Variants in ERLIN1 observed in about 807,000 individuals in gnomAD.
The protein encoded by ERLIN1 is erlin-1.
ERLIN1 carries 24 observed loss-of-function variants against 46.9 expected under a neutral mutation model. The observed-to-expected ratio is 0.51, with a 90% confidence interval of 0.37 to 0.72. The LOEUF is 0.72. Among genes scored for constraint, ERLIN1 ranks in the 30% least tolerant of loss-of-function variants. The pLI, the probability that ERLIN1 is intolerant of heterozygous loss-of-function variation, is 0.00. For missense variants in ERLIN1, 293 were observed against 417.9 expected (o/e 0.70, Z 2.61); for synonymous variants, 158 against 143.2 (o/e 1.10, Z -0.74).
chr10:100,185,886 C>A lies in ERLIN1; in HGVS notation c.-260G>T. 1 of 518,380 alleles carries A rather than the reference C, an allele frequency of 1.9e-6. No homozygotes were observed. The highest frequency in any genetic ancestry group is 2.8e-5 in the South Asian group (1 of 35,778). The allele number at this position is 518,380 out of a possible 1,614,324, so 32.1% of individuals were successfully genotyped here. Reference sequence around the variant, plus strand: ...AACTCCCTCTCCCAAGGGTCGCTCCCGGGTGGAAGGCACTAACTGAGAAGA... The same window carrying A: ...AACTCCCTCTCCCAAGGGTCGCTCCAGGGTGGAAGGCACTAACTGAGAAGA... On this transcript the variant is annotated 5_prime_UTR_variant, in exon 1 of 11. Coordinates refer to ENST00000421367, the MANE Select transcript of ERLIN1 (RefSeq NM_006459.4).
Position 100,183,824 on chromosome 10 carries a change from G to T in ERLIN1, c.127C>A (p.Leu43Ile). The change falls in exon 2 of 11, where the codon CTA becomes ATA. Residue 43 changes from leucine to isoleucine, a missense_variant. Coordinates refer to ENST00000421367, the MANE Select transcript of ERLIN1 (RefSeq NM_006459.4). ...LAVYYRGGAL[L>I]TSPSGPGYHI... ...TAGCCTGGTCCACTGGGGCTAGTTAGTAAAGCTCCTCCCCTGCAAAAAGAT... is the reference window on the plus strand; with the variant it reads ...TAGCCTGGTCCACTGGGGCTAGTTATTAAAGCTCCTCCCCTGCAAAAAGAT... The T allele has an allele frequency of 6.2e-7, 1 of 1,611,930 alleles. No homozygotes were observed. Among genetic ancestry groups the T allele is most frequent in the Non-Finnish European group, 8.5e-7 (1 of 1,178,214 alleles).
At chr10:100,153,154 G>A (rs963532748) in intron 10 of ERLIN1, among the ~76,000 whole-genome samples, 1 of 152,218 alleles carries the variant, frequency 6.6e-6, no homozygotes, top group East Asian at 1.9e-4. Context: ...AAAATCTCAA[G>A]TTGTCACCTG....
At position 100,179,120 on chromosome 10, in the gene ERLIN1, A is replaced by G. The variant is rs532963331; in HGVS notation, c.242+81T>C. On this transcript the variant is annotated intron_variant, in intron 3 of 10. Transcript: ENST00000421367. ...GGGTTAACTATCATGCCTATTTGAGATATGTCTAAGTGATCATAGCTGTAG... is the reference window on the plus strand; with the variant it reads ...GGGTTAACTATCATGCCTATTTGAGGTATGTCTAAGTGATCATAGCTGTAG... 3.0e-4 allele frequency: 325 copies of G among 1,075,548 alleles called. 3 individuals are homozygous for G. The African/African-American group carries it at 4.6e-3, about 15-fold the overall frequency. The allele number at this position is 1,075,548 out of a possible 1,614,324, so 66.6% of individuals were successfully genotyped here.
intron 8 of ERLIN1, among the ~76,000 whole-genome samples, chr10:100,162,341 T>C (rs1564802858): frequency 2.0e-5 from 3 of 152,234 alleles, no homozygotes; most frequent in Admixed American, 1.3e-4. Context: ...TGTGATACCA[T>C]GTCTTCCATT....
At position 100,178,120 on chromosome 10, in the gene ERLIN1, A is replaced by G. The variant is rs1413906239; in HGVS notation, c.304+13T>C. 2 of 1,537,860 alleles carry G rather than the reference A, an allele frequency of 1.3e-6. No individual in the cohort carries two copies. Among genetic ancestry groups the G allele is most frequent in the African/African-American group, 1.4e-5 (1 of 73,308 alleles). On this transcript the variant is annotated intron_variant, in intron 4 of 10. Coordinates refer to ENST00000421367, the MANE Select transcript of ERLIN1 (RefSeq NM_006459.4). Reference sequence around the variant, plus strand: ...CTATAACTATAAAAACCACAGGTAGATGGGTAACATACCTGCATAAGGAGC... The same window carrying G: ...CTATAACTATAAAAACCACAGGTAGGTGGGTAACATACCTGCATAAGGAGC...
intron 9 of ERLIN1, among the ~76,000 whole-genome samples, chr10:100,155,516 T>A (rs529599089): frequency 6.7e-6 from 1 of 149,790 alleles, no homozygotes; most frequent in East Asian, 2.0e-4. Flanking sequence ...TTATTTTTAA[T>A]TTTTTTTTTA....
intron 8 of ERLIN1, 62 bp from the exon 9 acceptor site, chr10:100,156,296 C>T (rs752704299): frequency 5.8e-5 from 58 of 996,636 alleles, no homozygotes; most frequent in Non-Finnish European, 8.4e-5. Flanking sequence ...TGAGGCACTT[C>T]GAACCAGCAG....
chr10:100,171,408 C>CTATT (rs113440910), intron 6 of ERLIN1, among the ~76,000 whole-genome samples: 11,304 of 151,926 alleles, frequency 0.074, 742 homozygotes, highest in African/African-American at 0.17. Flanking sequence ...TATACAAATG[C>CTATT]TATTTATTTA....
chr10:100,164,023 C>G lies in ERLIN1; in HGVS notation c.636G>C (p.Glu212Asp). 1 of 1,612,228 alleles carries G rather than the reference C, an allele frequency of 6.2e-7. No individual in the cohort carries two copies. Among genetic ancestry groups the G allele is most frequent in the Non-Finnish European group, 8.5e-7 (1 of 1,178,554 alleles). ...AAGTACCTATAACTGCCTTTTTCCT[C>G]TCTGTCTCAGCTTCTTTTTCCACAA... is the stretch of plus-strand genomic sequence containing the variant. ...QKVVEKEAET[E>D]RKKAVIEAEK... is the part of the protein sequence containing the mutation. The change falls in exon 8 of 11, where the codon GAG becomes GAC. Residue 212 changes from glutamate to aspartate, a missense_variant. Glu to Asp is a conservative substitution (Grantham distance 45, BLOSUM62 2). This residue lies in a region of ERLIN1 where 148 missense variants were observed against 266.5 expected (regional missense o/e 0.56). Coordinates refer to ENST00000421367, the MANE Select transcript of ERLIN1 (RefSeq NM_006459.4).
chr10:100,174,403 A>G, intron 5 of ERLIN1, 122 bp from the exon 6 acceptor site: 1 of 669,328 alleles, frequency 1.5e-6, no homozygotes, highest in South Asian at 2.0e-5. Context: ...TCTTTTACAG[A>G]GCTTAAACTG....
intron 6 of ERLIN1, among the ~76,000 whole-genome samples, chr10:100,171,571 A>C (rs1449286580): frequency 6.6e-6 from 1 of 152,016 alleles, no homozygotes; most frequent in Non-Finnish European, 1.5e-5. Flanking sequence ...ACACCTACCT[A>C]ATTTTTTAAA....
Position 100,154,911 on chromosome 10 carries a change from C to T in ERLIN1, c.774G>A (p.Ala258=), listed in dbSNP as rs775654645. The T allele has an allele frequency of 2.9e-5, 46 of 1,613,814 alleles. No individual in the cohort carries two copies. Among genetic ancestry groups the T allele is most frequent in the Non-Finnish European group, 3.6e-5 (42 of 1,179,836 alleles). The change falls in exon 10 of 11, where the codon GCG becomes GCA. Residue 258 remains alanine (A), a synonymous_variant. Transcript: ENST00000421367. ...CAGCATAATATTCAGCATCTGCTTTCGCTTTCTCTCGGGCCAGGAATGCAG... is the reference window on the plus strand; with the variant it reads ...CAGCATAATATTCAGCATCTGCTTTTGCTTTCTCTCGGGCCAGGAATGCAG... The part of the protein sequence containing the change: ...EDAAFLAREK[A]KADAEYYAAH...
intron 8 of ERLIN1, among the ~76,000 whole-genome samples, chr10:100,161,012 GA>G (rs1223947031): frequency 6.6e-6 from 1 of 152,186 alleles, no homozygotes; most frequent in Non-Finnish European, 1.5e-5. Flanking sequence ...AGTACAGATT[GA>G]AACTTTATTA....
intron 8 of ERLIN1, 144 bp from the exon 9 acceptor site, chr10:100,156,378 T>A (rs1419326545): frequency 3.3e-6 from 2 of 608,808 alleles, no homozygotes; most frequent in Non-Finnish European, 3.0e-6. Flanking sequence ...CTAGTCAGAC[T>A]GTAAACTACT....
intron 2 of ERLIN1, among the ~76,000 whole-genome samples, chr10:100,183,499 T>C (rs752001342): frequency 2.0e-5 from 3 of 152,246 alleles, no homozygotes; most frequent in Non-Finnish European, 2.9e-5. Context: ...GAAAATTTGC[T>C]ATATACCACG....
intron 4 of ERLIN1, among the ~76,000 whole-genome samples, chr10:100,176,404 T>C (rs1779756077): frequency 6.6e-6 from 1 of 152,112 alleles, no homozygotes; most frequent in African/African-American, 2.4e-5. Context: ...AGATTTACGC[T>C]TTGGCCAGCA....
chr10:100,171,478 T>A (rs1400939366), intron 6 of ERLIN1, among the ~76,000 whole-genome samples: 1 of 152,198 alleles, frequency 6.6e-6, no homozygotes, highest in African/African-American at 2.4e-5. Context: ...TGAACACAGT[T>A]CACTGCAGCC....
At chr10:100,158,897 A>C (rs1483053354) in intron 8 of ERLIN1, among the ~76,000 whole-genome samples, 3 of 152,214 alleles carry the variant, frequency 2.0e-5, no homozygotes, top group African/African-American at 2.4e-5. Flanking sequence ...GCAGAGAAAA[A>C]TGCATGGTAA....
chr10:100,163,378 TAA>T (rs10706601), intron 8 of ERLIN1, among the ~76,000 whole-genome samples: 1 of 142,708 alleles, frequency 7.0e-6, no homozygotes. Context: ...ATTTTTTTCT[TAA>T]AAAAAAAAAA....
Sources: gnomAD v4.1 joint callset for allele counts (sites outside exome capture counted in the v4.1 genomes callset) on GRCh38, gnomAD v4.1.1 for gene constraint, gnomAD v4.1.1 regional missense constraint, MANE v1.5 for transcripts, NCBI Gene and HGNC (gene_info 2026-07-23, HGNC 2026-07-21) for gene names.